ADARB2: variants seen among roughly 807,000 people sequenced by gnomAD.
ADARB2 encodes the protein adenosine deaminase RNA specific B2 (inactive), also known as inactive double-stranded RNA-specific editase B2.
A neutral mutation model predicts 62.2 loss-of-function variants in ADARB2; 25 were observed. That is an observed-to-expected ratio of 0.40 (90% CI 0.29 to 0.56). ADARB2 has a LOEUF of 0.56. Ranked by LOEUF, ADARB2 falls within the 20% of genes least tolerant of loss-of-function variation. The probability of loss-of-function intolerance (pLI) is 0.43; values close to 1 mark genes in which losing one functional copy is unlikely to be tolerated. For missense variants in ADARB2, 1,071 were observed against 1,077.4 expected, an observed-to-expected ratio of 0.99 and a Z score of 0.08; for synonymous variants, 572 against 500.8, an observed-to-expected ratio of 1.14 and a Z score of -1.90.
At chr10:1,326,900 GCGCC>G in intron 3 of ADARB2, among the ~76,000 whole-genome samples, 2 of 80,022 alleles carry the variant, frequency 2.5e-5, no homozygotes, top group African/African-American at 5.1e-5. Context: ...CCACTGCCCA[GCGCC>G]TCCCCACTGC....
chr10:1,526,012 T>G (rs537340841), intron 1 of ADARB2, among the ~76,000 whole-genome samples: 1 of 152,256 alleles, frequency 6.6e-6, no homozygotes, highest in East Asian at 1.9e-4. Flanking sequence ...TGTATGCACG[T>G]GTTTGTGTAT....
chr10:1,501,496 G>A (rs2131938470), intron 1 of ADARB2, among the ~76,000 whole-genome samples: 1 of 152,288 alleles, frequency 6.6e-6, no homozygotes, highest in Non-Finnish European at 1.5e-5. Flanking sequence ...TCAAGAATCT[G>A]CATTAGAATG....
intron 1 of ADARB2, 73 bp downstream of exon 1, chr10:1,736,978 A>G: frequency 6.8e-7 from 1 of 1,475,922 alleles, no homozygotes; most frequent in Admixed American, 1.7e-5. Context: ...AAGCCCGGAG[A>G]CCCCATGAGA....
intron 3 of ADARB2, among the ~76,000 whole-genome samples, chr10:1,318,716 G>A (rs1449775425): frequency 6.6e-6 from 1 of 152,208 alleles, no homozygotes; most frequent in Non-Finnish European, 1.5e-5. Context: ...TGTTGTCAAA[G>A]TATAATTTGT....
At chr10:1,623,929 A>G (rs1833736462) in intron 1 of ADARB2, among the ~76,000 whole-genome samples, 1 of 152,214 alleles carries the variant, frequency 6.6e-6, no homozygotes, top group African/African-American at 2.4e-5. Context: ...TCAGCTGGTG[A>G]AAGAGATTCA....
intron 4 of ADARB2, among the ~76,000 whole-genome samples, chr10:1,262,909 A>C (rs915310782): frequency 1.3e-5 from 2 of 152,156 alleles, no homozygotes; most frequent in Non-Finnish European, 2.9e-5. Context: ...AGACTGGTTT[A>C]AGAAAATGTG....
intron 1 of ADARB2, among the ~76,000 whole-genome samples, chr10:1,572,808 C>G (rs554502432): frequency 1.3e-5 from 2 of 152,214 alleles, no homozygotes. Flanking sequence ...GCCAGGACTT[C>G]CCCTGCGTGG....
intron 1 of ADARB2, among the ~76,000 whole-genome samples, chr10:1,706,235 C>G (rs1458673689): frequency 6.6e-6 from 1 of 152,222 alleles, no homozygotes; most frequent in Non-Finnish European, 1.5e-5. Context: ...CTGAGTAGAG[C>G]TTGACTAGGG....
chr10:1,298,717 G>T (rs1338396392), intron 3 of ADARB2, among the ~76,000 whole-genome samples: 1 of 136,220 alleles, frequency 7.3e-6, no homozygotes, highest in Non-Finnish European at 1.5e-5. Flanking sequence ...ATGTGCGACG[G>T]GAATTTTTTT....
chr10:1,472,368 G>A (rs1400648402), intron 1 of ADARB2, among the ~76,000 whole-genome samples: 1 of 152,118 alleles, frequency 6.6e-6, no homozygotes, highest in Non-Finnish European at 1.5e-5. Context: ...CTGTGCCATA[G>A]GGGCGAGGGC....
chr10:1,654,383 G>A (rs1490658730), intron 1 of ADARB2, among the ~76,000 whole-genome samples: 1 of 152,170 alleles, frequency 6.6e-6, no homozygotes, highest in Admixed American at 6.5e-5. Flanking sequence ...CATGGCACTG[G>A]CTACCCCAGG....
intron 1 of ADARB2, among the ~76,000 whole-genome samples, chr10:1,406,401 GGA>G (rs779153070): frequency 2.6e-4 from 40 of 152,148 alleles, no homozygotes; most frequent in Admixed American, 7.9e-4. Context: ...TACCCGGGAA[GGA>G]GAGAGTGGCC....
intron 7 of ADARB2, among the ~76,000 whole-genome samples, chr10:1,201,114 T>G (rs2131742710): frequency 6.6e-6 from 1 of 152,312 alleles, no homozygotes; most frequent in East Asian, 1.9e-4. Flanking sequence ...TCTTTAAATT[T>G]TATTCCAAAA....
intron 1 of ADARB2, among the ~76,000 whole-genome samples, chr10:1,647,612 A>T (rs1286879166): frequency 2.6e-5 from 4 of 151,406 alleles, no homozygotes; most frequent in Admixed American, 2.0e-4. Flanking sequence ...CTGTGTGGGG[A>T]TATGTATTTA....
intron 1 of ADARB2, among the ~76,000 whole-genome samples, chr10:1,664,271 A>G (rs1834286539): frequency 6.6e-6 from 1 of 151,454 alleles, no homozygotes. Context: ...CCTGCTGGTC[A>G]GTGTGTGGGT....
intron 1 of ADARB2, among the ~76,000 whole-genome samples, chr10:1,380,379 A>T (rs540098168): frequency 1.4e-4 from 21 of 152,336 alleles, no homozygotes; most frequent in African/African-American, 5.1e-4. Context: ...ATATCCGCGG[A>T]CGGGATTTCC....
intron 1 of ADARB2, among the ~76,000 whole-genome samples, chr10:1,466,783 A>G (rs965486771): frequency 3.9e-5 from 6 of 152,198 alleles, no homozygotes; most frequent in African/African-American, 1.4e-4. Flanking sequence ...GGAACCACAG[A>G]GCACGTTCCC....
chr10:1,718,765 AG>A (rs571446363), intron 1 of ADARB2, among the ~76,000 whole-genome samples: 1 of 151,662 alleles, frequency 6.6e-6, no homozygotes, highest in Admixed American at 6.6e-5. Context: ...CCCTCCCAGG[AG>A]GGGGCTCCAG....
At chr10:1,696,154 A>ATG (rs763437703) in intron 1 of ADARB2, among the ~76,000 whole-genome samples, 5 of 148,656 alleles carry the variant, frequency 3.4e-5, no homozygotes, top group Non-Finnish European at 7.5e-5. Context: ...TATTGTGTGT[A>ATG]TGTGTTTGCA....
Sources: gnomAD v4.1 joint callset for allele counts (sites outside exome capture counted in the v4.1 genomes callset) on GRCh38, gnomAD v4.1.1 for gene constraint, MANE v1.5 for transcripts, NCBI Gene and HGNC (gene_info 2026-07-23, HGNC 2026-07-21) for gene names.